GRID2: variants seen among roughly 807,000 people sequenced by gnomAD.
The protein encoded by GRID2 is glutamate ionotropic receptor delta type subunit 2.
In GRID2, 33 loss-of-function variants were observed where a neutral mutation model predicts 114.8. The observed-to-expected ratio is 0.29, with a 90% confidence interval of 0.22 to 0.38. The LOEUF (loss-of-function observed/expected upper bound fraction) is 0.38, where lower values mean the gene tolerates loss of function less well. GRID2 is among the 10% of genes least tolerant of loss of function. The pLI, the probability that GRID2 is intolerant of heterozygous loss-of-function variation, is 1.00. For synonymous variants in GRID2, 505 were observed against 449.9 expected, an observed-to-expected ratio of 1.12 and a Z score of -1.55; for missense variants, 1,184 against 1,257.7, an observed-to-expected ratio of 0.94 and a Z score of 0.89.
At chr4:93,608,305 T>TC (rs1312514403) in intron 13 of GRID2, among the ~76,000 whole-genome samples, 2 of 145,492 alleles carry the variant, frequency 1.4e-5, no homozygotes, top group African/African-American at 5.2e-5. Context: ...TCTTTTTTTT[T>TC]TTTTAATTTT....
chr4:92,536,357 C>A (rs1725630945), intron 1 of GRID2, among the ~76,000 whole-genome samples: 1 of 152,134 alleles, frequency 6.6e-6, no homozygotes, highest in African/African-American at 2.4e-5. Flanking sequence ...ATTTACAGTC[C>A]TTTAGCTAGA....
intron 4 of GRID2, among the ~76,000 whole-genome samples, chr4:93,185,043 G>T (rs1414124305): frequency 6.6e-6 from 1 of 152,172 alleles, no homozygotes; most frequent in African/African-American, 2.4e-5. Flanking sequence ...AAATGGTTAG[G>T]ATTATTAGTT....
At chr4:92,508,251 C>A (rs1218281909) in intron 1 of GRID2, among the ~76,000 whole-genome samples, 2 of 151,846 alleles carry the variant, frequency 1.3e-5, no homozygotes, top group African/African-American at 4.8e-5. Flanking sequence ...TTTATTGATT[C>A]AATTAACACA....
chr4:93,142,564 G>C (rs897247040), intron 4 of GRID2, among the ~76,000 whole-genome samples: 1 of 152,098 alleles, frequency 6.6e-6, no homozygotes, highest in Non-Finnish European at 1.5e-5. Flanking sequence ...TTATCACCTA[G>C]AGGGTTAGAA....
intron 7 of GRID2, among the ~76,000 whole-genome samples, chr4:93,234,148 C>T (rs1433970482): frequency 6.6e-6 from 1 of 151,836 alleles, no homozygotes; most frequent in Non-Finnish European, 1.5e-5. Flanking sequence ...AAAATGTGTG[C>T]AAATAAACTT....
intron 2 of GRID2, among the ~76,000 whole-genome samples, chr4:92,949,544 G>T (rs935433091): frequency 1.3e-5 from 2 of 151,462 alleles, no homozygotes; most frequent in Admixed American, 6.6e-5. Flanking sequence ...TTCAGAAAGG[G>T]AGCTAAATGT....
chr4:92,330,554 A>C (rs569688785), intron 1 of GRID2, among the ~76,000 whole-genome samples: 16 of 152,274 alleles, frequency 1.1e-4, no homozygotes, highest in Admixed American at 5.2e-4. Context: ...AGAAAGAAGA[A>C]TGCTTAGATA....
intron 2 of GRID2, among the ~76,000 whole-genome samples, chr4:92,699,607 T>C (rs2149300112): frequency 6.6e-6 from 1 of 152,322 alleles, no homozygotes; most frequent in East Asian, 1.9e-4. Flanking sequence ...TCTCTTGTTT[T>C]GAAAATAATT....
intron 2 of GRID2, among the ~76,000 whole-genome samples, chr4:92,801,583 A>G (rs941279874): frequency 1.3e-5 from 2 of 151,982 alleles, no homozygotes; most frequent in East Asian, 1.9e-4. Context: ...CTGTTCTTCA[A>G]ATTGATTACT....
intron 1 of GRID2, among the ~76,000 whole-genome samples, chr4:92,341,774 G>C (rs1174453673): frequency 6.6e-6 from 1 of 151,970 alleles, no homozygotes; most frequent in Non-Finnish European, 1.5e-5. Flanking sequence ...AATTAGCCAG[G>C]CGTGGTGGCG....
intron 12 of GRID2, among the ~76,000 whole-genome samples, chr4:93,492,474 A>G (rs1905717): frequency 0.27 from 40,913 of 151,634 alleles, 5,920 homozygotes; most frequent in East Asian, 0.44. Context: ...GAATTTCTGT[A>G]TGAATCTTAG....
intron 2 of GRID2, among the ~76,000 whole-genome samples, chr4:92,625,498 A>C (rs1730474736): frequency 6.6e-6 from 1 of 151,856 alleles, no homozygotes; most frequent in Admixed American, 6.6e-5. Flanking sequence ...CCAGGGAAAT[A>C]GTGTTTCGAT....
Position 93,752,938 on chromosome 4 carries a change from G to T in GRID2, c.2361-16272G>T, listed in dbSNP as rs943959494. 3.9e-5 allele frequency among the ~76,000 whole-genome samples: 6 copies of T among 152,102 alleles called. No individual in the cohort carries two copies. The East Asian group carries it at 1.2e-3, about 29-fold the overall frequency. ...TTATGCTTTTGGAGTCTTTGGAACC[G>T]TTAGTTTTCTATATGGATCATACCC... On this transcript the variant is annotated intron_variant, in intron 14 of 15. Transcript: ENST00000282020.
intron 14 of GRID2, among the ~76,000 whole-genome samples, chr4:93,702,193 A>G (rs1239738614): frequency 6.6e-6 from 1 of 152,186 alleles, no homozygotes; most frequent in East Asian, 1.9e-4. Context: ...CCTGTTATAT[A>G]TAAATTGGCT....
chr4:93,238,050 AGGTAT>A (rs1561025997), intron 7 of GRID2, among the ~76,000 whole-genome samples: 8 of 151,758 alleles, frequency 5.3e-5, no homozygotes, highest in Non-Finnish European at 1.0e-4. Flanking sequence ...TCAAGTCACA[AGGTAT>A]GGTGGCAAAA....
intron 3 of GRID2, among the ~76,000 whole-genome samples, chr4:93,104,854 C>A (rs1732050793): frequency 1.3e-5 from 2 of 151,978 alleles, no homozygotes; most frequent in Admixed American, 1.3e-4. Context: ...AATGGTATTT[C>A]TAGTTCTAGA....
chr4:93,497,021 T>A (rs1560682723), intron 12 of GRID2, among the ~76,000 whole-genome samples: 1 of 151,898 alleles, frequency 6.6e-6, no homozygotes, highest in South Asian at 2.1e-4. Flanking sequence ...ATCAAGGGTG[T>A]CTGCATCTGT....
intron 1 of GRID2, among the ~76,000 whole-genome samples, chr4:92,359,478 A>C (rs1728507138): frequency 6.6e-6 from 1 of 151,930 alleles, no homozygotes; most frequent in Non-Finnish European, 1.5e-5. Flanking sequence ...GGCTGAGTTT[A>C]AGGATGTAAT....
intron 8 of GRID2, among the ~76,000 whole-genome samples, chr4:93,379,201 A>G (rs1763637826): frequency 6.6e-6 from 1 of 152,088 alleles, no homozygotes; most frequent in Non-Finnish European, 1.5e-5. Context: ...GTATTATCTA[A>G]TCAAGTTTAT....
Sources: allele counts gnomAD v4.1 joint callset (sites outside exome capture counted in the v4.1 genomes callset), GRCh38; gene constraint gnomAD v4.1.1; transcripts MANE v1.5; gene names NCBI Gene and HGNC (gene_info 2026-07-23, HGNC 2026-07-21).